EFNA5: variants seen among roughly 807,000 people sequenced by gnomAD.
The protein encoded by EFNA5 is ephrin-A5.
EFNA5 carries 5 observed loss-of-function variants against 22.9 expected under a neutral mutation model. The ratio of observed to expected loss-of-function variants is 0.22; its 90% CI spans 0.11 to 0.46. The LOEUF (loss-of-function observed/expected upper bound fraction) is 0.46. Among genes scored for constraint, EFNA5 ranks in the 20% least tolerant of loss-of-function variants. The pLI is 0.99. For synonymous variants in EFNA5, 113 were observed against 112.2 expected, an observed-to-expected ratio of 1.01 and a Z score of -0.04; for missense variants, 237 against 293.3, an observed-to-expected ratio of 0.81 and a Z score of 1.40.
Position 107,565,132 on chromosome 5 carries a change from A to C in EFNA5, c.125+105357T>G, listed in dbSNP as rs1276752715. Among the ~76,000 whole-genome samples the C allele has an allele frequency of 5.3e-5, 8 of 152,294 alleles. No individual in the cohort carries two copies. In the East Asian group the frequency reaches 1.5e-3, roughly 29 times the overall value. Reference sequence around the variant, plus strand: ...ACAATACTCTCCTTTCCACTGAAAAACCTTCTGTGGTTTCAGGGTGAGGAT... The same window carrying C: ...ACAATACTCTCCTTTCCACTGAAAACCCTTCTGTGGTTTCAGGGTGAGGAT... On this transcript the variant is annotated intron_variant, in intron 1 of 4. Transcript: ENST00000333274.
intron 1 of EFNA5, among the ~76,000 whole-genome samples, chr5:107,612,511 TA>T (rs925192479): frequency 3.7e-4 from 55 of 146,672 alleles, no homozygotes; most frequent in African/African-American, 6.2e-4. Flanking sequence ...AAATGCAATT[TA>T]AAAAAAAAAA....
chr5:107,618,529 A>C (rs1417441606), intron 1 of EFNA5, among the ~76,000 whole-genome samples: 2 of 152,248 alleles, frequency 1.3e-5, no homozygotes, highest in Non-Finnish European at 2.9e-5. Context: ...GAAATGTGTC[A>C]GAAAATACAT....
rs1035375023 is a variant in EFNA5, at chr5:107,605,152, TG to T, written c.125+65336del. Among the ~76,000 whole-genome samples the T allele has an allele frequency of 5.7e-4, 34 of 59,320 alleles. No homozygotes were observed. The Middle Eastern group carries it at 0.025, about 43-fold the overall frequency. 38.9% of individuals were successfully genotyped at this position (59,320 alleles called of 152,430 possible). ...AGATTTAAAAGCTCGGGGGTGGGGATGGGGGGGGAAGCAGAGCTAACTAGAG... is the reference window on the plus strand; with the variant it reads ...AGATTTAAAAGCTCGGGGGTGGGGATGGGGGGGAAGCAGAGCTAACTAGAG... On this transcript the variant is annotated intron_variant, in intron 1 of 4. Transcript: ENST00000333274.
intron 1 of EFNA5, among the ~76,000 whole-genome samples, chr5:107,628,408 C>G (rs1245211600): frequency 6.6e-6 from 1 of 152,064 alleles, no homozygotes; most frequent in East Asian, 1.9e-4. Context: ...TATATTATAG[C>G]ATATAAAATG....
chr5:107,648,006 C>G (rs560577176), intron 1 of EFNA5, among the ~76,000 whole-genome samples: 1 of 152,264 alleles, frequency 6.6e-6, no homozygotes, highest in African/African-American at 2.4e-5. Flanking sequence ...GTTTATATAT[C>G]TATTTCTATA....
chr5:107,607,615 T>C (rs1017727456), intron 1 of EFNA5, among the ~76,000 whole-genome samples: 1 of 152,214 alleles, frequency 6.6e-6, no homozygotes, highest in Admixed American at 6.5e-5. Context: ...TGTATGATAT[T>C]TGGTAGCTGA....
At chr5:107,536,032 C>T (rs1466305382) in intron 1 of EFNA5, among the ~76,000 whole-genome samples, 1 of 152,196 alleles carries the variant, frequency 6.6e-6, no homozygotes, top group Non-Finnish European at 1.5e-5. Context: ...GCCAAGCACT[C>T]ATCAGTGGCA....
intron 1 of EFNA5, among the ~76,000 whole-genome samples, chr5:107,567,177 T>C (rs1391754175): frequency 6.6e-6 from 1 of 152,156 alleles, no homozygotes; most frequent in Non-Finnish European, 1.5e-5. Flanking sequence ...AAAGCAGGAC[T>C]CTGGTCATTC....
chr5:107,536,829 G>A (rs985027981), intron 1 of EFNA5, among the ~76,000 whole-genome samples: 21 of 152,148 alleles, frequency 1.4e-4, no homozygotes, highest in African/African-American at 3.6e-4. Context: ...TTTTTCGGCC[G>A]GGTGCAGTGG....
chr5:107,475,161 A>G (rs375972277), intron 1 of EFNA5, among the ~76,000 whole-genome samples: 221 of 152,372 alleles, frequency 1.5e-3, no homozygotes, highest in African/African-American at 5.2e-3. Flanking sequence ...TCACAGTAGC[A>G]CAGTGAATAA....
intron 1 of EFNA5, among the ~76,000 whole-genome samples, chr5:107,582,440 A>G (rs1749091224): frequency 6.6e-6 from 1 of 152,204 alleles, no homozygotes; most frequent in African/African-American, 2.4e-5. Context: ...ATGTTTAGAG[A>G]ACACAATATG....
chr5:107,549,488 G>A (rs567904071), intron 1 of EFNA5, among the ~76,000 whole-genome samples: 87 of 152,174 alleles, frequency 5.7e-4, no homozygotes, highest in Non-Finnish European at 1.0e-3. Flanking sequence ...TAGTCCCCTC[G>A]AACAGACTAA....
intron 1 of EFNA5, among the ~76,000 whole-genome samples, chr5:107,576,174 T>C (rs1448899800): frequency 6.6e-6 from 1 of 152,208 alleles, no homozygotes; most frequent in African/African-American, 2.4e-5. Context: ...CTGCTTTTCC[T>C]ACAGTGTTCT....
Position 107,386,148 on chromosome 5 carries a change from CAAAAAA to C in EFNA5, c.565+1081_565+1086del, listed in dbSNP as rs33964723. On this transcript the variant is annotated intron_variant, in intron 4 of 4. Coordinates refer to ENST00000333274, the MANE Select transcript of EFNA5 (RefSeq NM_001962.3). ...AGGACCATAAGGAAGAGAAATTCTA[CAAAAAA>C]AAAAAAAAAAAAAAAAATTCTCCAT... Among the ~76,000 whole-genome samples the C allele has an allele frequency of 1.6e-3, 131 of 79,490 alleles. 1 individual carries two copies. The highest frequency in any genetic ancestry group is 5.0e-3 in the African/African-American group (99 of 19,668). The allele number at this position is 79,490 out of a possible 152,430, so 52.1% of individuals were successfully genotyped here.
At chr5:107,613,599 C>A (rs1418016722) in intron 1 of EFNA5, among the ~76,000 whole-genome samples, 1 of 152,038 alleles carries the variant, frequency 6.6e-6, no homozygotes, top group African/African-American at 2.4e-5. Flanking sequence ...AAACACAGTG[C>A]ACCTTGAAGG....
chr5:107,512,075 C>A (rs1580504737), intron 1 of EFNA5, among the ~76,000 whole-genome samples: 1 of 152,192 alleles, frequency 6.6e-6, no homozygotes, highest in Non-Finnish European at 1.5e-5. Context: ...ACTTGTTTTA[C>A]TTCCTTTCGA....
chr5:107,452,511 C>G (rs1749587494), intron 1 of EFNA5, among the ~76,000 whole-genome samples: 1 of 151,934 alleles, frequency 6.6e-6, no homozygotes, highest in Admixed American at 6.6e-5. Flanking sequence ...ATCACTTGAG[C>G]CCCGAAGTTT....
chr5:107,440,092 T>A (rs1199105920), intron 1 of EFNA5, among the ~76,000 whole-genome samples: 2 of 152,188 alleles, frequency 1.3e-5, no homozygotes, highest in South Asian at 2.1e-4. Context: ...GGATATCCAT[T>A]CATACAGCTG....
At chr5:107,408,092 C>A (rs1391822955) in intron 2 of EFNA5, among the ~76,000 whole-genome samples, 1 of 152,068 alleles carries the variant, frequency 6.6e-6, no homozygotes, top group Non-Finnish European at 1.5e-5. Flanking sequence ...CTATTCTCTG[C>A]ACAGTGTAAT....
Sources: allele counts gnomAD v4.1 joint callset (sites outside exome capture counted in the v4.1 genomes callset), GRCh38; gene constraint gnomAD v4.1.1; transcripts MANE v1.5; gene names NCBI Gene and HGNC (gene_info 2026-07-23, HGNC 2026-07-21).